Variants in RASAL2 observed in about 807,000 individuals in gnomAD.
The protein encoded by RASAL2 is RAS protein activator like 2.
In RASAL2, 58 loss-of-function variants were observed where a neutral mutation model predicts 128.9. The ratio of observed to expected loss-of-function variants is 0.45; its 90% CI spans 0.36 to 0.56. The LOEUF (loss-of-function observed/expected upper bound fraction) is 0.56. Ranked by LOEUF, RASAL2 falls within the 20% of genes least tolerant of loss-of-function variation. The probability of loss-of-function intolerance (pLI) is 0.00; values close to 1 mark genes in which losing one functional copy is unlikely to be tolerated. For missense variants in RASAL2, 1,360 were observed against 1,601.6 expected (o/e 0.85, Z 2.57); for synonymous variants, 561 against 580.8 (o/e 0.97, Z 0.49).
At chr1:178,333,586 T>G (rs1299030403) in intron 3 of RASAL2, among the ~76,000 whole-genome samples, 1 of 152,176 alleles carries the variant, frequency 6.6e-6, no homozygotes, top group African/African-American at 2.4e-5. Flanking sequence ...CATAAATGGG[T>G]TAAGACCAGC....
chr1:178,246,687 G>A (rs1187542044), intron 1 of RASAL2, among the ~76,000 whole-genome samples: 1 of 152,090 alleles, frequency 6.6e-6, no homozygotes, highest in African/African-American at 2.4e-5. Context: ...CATTCAGTAT[G>A]ATATTGGCTG....
At chr1:178,282,537 C>T (rs753058159) in intron 1 of RASAL2, among the ~76,000 whole-genome samples, 1 of 152,014 alleles carries the variant, frequency 6.6e-6, no homozygotes, top group Admixed American at 6.6e-5. Context: ...TGACAAAAGA[C>T]AAAAATTTTA....
At position 178,208,315 on chromosome 1, in the gene RASAL2, TGCTA is replaced by T. The variant is rs1243521112; in HGVS notation, c.203-75246_203-75243del. Among the ~76,000 whole-genome samples the T allele has an allele frequency of 3.9e-5, 6 of 152,278 alleles. No individual in the cohort carries two copies. In the South Asian group the frequency reaches 1.2e-3, roughly 32 times the overall value. ...TAGGAGAGACATCGCTAAATTCTTT[TGCTA>T]GCAAGGAATATTAATATTAATACCC... On this transcript the variant is annotated intron_variant, in intron 1 of 17. Transcript: ENST00000367649.
chr1:178,407,033 A>G (rs2102684038), intron 4 of RASAL2, among the ~76,000 whole-genome samples: 1 of 152,294 alleles, frequency 6.6e-6, no homozygotes, highest in African/African-American at 2.4e-5. Context: ...AATCCCAAAG[A>G]TTCCGATATA....
Position 178,283,695 on chromosome 1 carries a change from AGATG to A in RASAL2, c.330+8_330+11del. ...ATTGCTCAACAAGGAGAAGGAGGTG[AGATG>A]GATATTATTCAGGAAAGTTAGTTTC... On this transcript the variant is annotated splice_donor_5th_base_variant and intron_variant, in intron 2 of 17. Coordinates refer to ENST00000367649, the MANE Select transcript of RASAL2 (RefSeq NM_170692.4). The A allele has an allele frequency of 6.2e-7, 1 of 1,613,248 alleles. No homozygotes were observed.
chr1:178,206,220 C>T (rs941029473), intron 1 of RASAL2, among the ~76,000 whole-genome samples: 5 of 152,166 alleles, frequency 3.3e-5, no homozygotes, highest in Admixed American at 6.5e-5. Context: ...AGAGGGGTAG[C>T]ATTCTGTTTT....
At chr1:178,437,811 T>C (rs946787931) in intron 5 of RASAL2, among the ~76,000 whole-genome samples, 1 of 152,152 alleles carries the variant, frequency 6.6e-6, no homozygotes, top group Non-Finnish European at 1.5e-5. Context: ...ATATTTGCAG[T>C]ACATAACATG....
intron 3 of RASAL2, among the ~76,000 whole-genome samples, chr1:178,371,322 C>CCACACACACA (rs370972772): frequency 0.026 from 3,216 of 124,428 alleles, 102 homozygotes; most frequent in African/African-American, 0.078. Context: ...GCCTTCTTTC[C>CCACACACACA]CACACACACA....
At position 178,101,286 on chromosome 1, in the gene RASAL2, C is replaced by A. The variant is rs543522206; in HGVS notation, c.202+6592C>A. ...GAAGTTATCACTTTCCTAATCTCTA[C>A]AGCTGGGTTCAGATATGAGCTGTCT... On this transcript the variant is annotated intron_variant, in intron 1 of 17. Coordinates refer to ENST00000367649, the MANE Select transcript of RASAL2 (RefSeq NM_170692.4). 1.2e-4 allele frequency among the ~76,000 whole-genome samples: 18 copies of A among 152,314 alleles called. 1 individual carries two copies. In the South Asian group the frequency reaches 3.7e-3, roughly 32 times the overall value.
intron 1 of RASAL2, among the ~76,000 whole-genome samples, chr1:178,281,189 T>C (rs1472566515): frequency 6.6e-6 from 1 of 152,014 alleles, no homozygotes; most frequent in African/African-American, 2.4e-5. Flanking sequence ...AAAAAGAAGC[T>C]GTAAAATCTA....
chr1:178,162,388 A>ATATATTATATATTTTATATATTTATATAT lies in RASAL2; in HGVS notation c.202+67699_202+67700insTATATATTTTATATATTTATATATTATAT, dbSNP rs1661345499. The stretch of plus-strand genomic sequence containing the variant: ...TACATATAATATATATTTATATATT[A>ATATATTATATATTTTATATATTTATATAT]TATATATTATATATTTTATATATTA... On this transcript the variant is annotated intron_variant, in intron 1 of 17. Coordinates refer to ENST00000367649, the MANE Select transcript of RASAL2 (RefSeq NM_170692.4). Among the ~76,000 whole-genome samples the ATATATTATATATTTTATATATTTATATAT allele has an allele frequency of 2.6e-5, 3 of 114,858 alleles. No individual in the cohort carries two copies. The South Asian group carries it at 7.1e-4, about 27-fold the overall frequency. The allele number at this position is 114,858 out of a possible 152,430, so 75.4% of individuals were successfully genotyped here. A position where few individuals can be genotyped will look rare whatever the true frequency, so the allele number is the denominator to read the frequency against.
chr1:178,336,463 C>G (rs1669589366), intron 3 of RASAL2, among the ~76,000 whole-genome samples: 1 of 151,972 alleles, frequency 6.6e-6, no homozygotes, highest in South Asian at 2.1e-4. Context: ...AACCAAATGC[C>G]TAATGATCGT....
chr1:178,095,057 A>G (rs1428161670), intron 1 of RASAL2, among the ~76,000 whole-genome samples: 3 of 152,230 alleles, frequency 2.0e-5, no homozygotes, highest in African/African-American at 7.2e-5. Flanking sequence ...GTCTCTTTTT[A>G]TTGTTGAATG....
intron 1 of RASAL2, among the ~76,000 whole-genome samples, chr1:178,113,365 G>C (rs961701507): frequency 4.6e-5 from 7 of 151,818 alleles, no homozygotes; most frequent in African/African-American, 1.7e-4. Context: ...CTGGAGCTCA[G>C]TTGTGTGATC....
intron 3 of RASAL2, among the ~76,000 whole-genome samples, chr1:178,310,354 TAGAA>T (rs1227099855): frequency 6.6e-6 from 1 of 152,170 alleles, no homozygotes; most frequent in Admixed American, 6.6e-5. Flanking sequence ...ATTTGCCCAT[TAGAA>T]AGAAGTTTGC....
intron 3 of RASAL2, among the ~76,000 whole-genome samples, chr1:178,334,951 G>A (rs1415218450): frequency 6.6e-6 from 1 of 151,702 alleles, no homozygotes; most frequent in Non-Finnish European, 1.5e-5. Flanking sequence ...GTGAGACTCT[G>A]TCTAAAATTT....
chr1:178,186,896 T>G (rs1662322506), intron 1 of RASAL2, among the ~76,000 whole-genome samples: 1 of 152,018 alleles, frequency 6.6e-6, no homozygotes, highest in African/African-American at 2.4e-5. Context: ...CAATCATAGC[T>G]CACTTCAGCC....
intron 1 of RASAL2, among the ~76,000 whole-genome samples, chr1:178,243,556 C>T (rs551961006): frequency 6.6e-6 from 1 of 151,502 alleles, no homozygotes; most frequent in Non-Finnish European, 1.5e-5. Context: ...TGTTGGCCTC[C>T]CCATCATTAC....
chr1:178,268,903 G>A (rs1213890029), intron 1 of RASAL2, among the ~76,000 whole-genome samples: 3 of 152,184 alleles, frequency 2.0e-5, no homozygotes, highest in Admixed American at 1.3e-4. Context: ...GTCATGTTGA[G>A]ATACTACTTG....
Sources: gnomAD v4.1 joint callset for allele counts (sites outside exome capture counted in the v4.1 genomes callset) on GRCh38, gnomAD v4.1.1 for gene constraint, MANE v1.5 for transcripts, NCBI Gene and HGNC (gene_info 2026-07-23, HGNC 2026-07-21) for gene names.